Variants in HUWE1 observed in about 807,000 individuals in gnomAD.
The protein encoded by HUWE1 is E3 ubiquitin-protein ligase HUWE1.
Under a neutral mutation model 299.4 loss-of-function variants are expected in HUWE1, and 18 were observed. That is an observed-to-expected ratio of 0.06 (90% CI 0.04 to 0.09). The LOEUF (loss-of-function observed/expected upper bound fraction) is 0.09, where lower values mean the gene tolerates loss of function less well. Ranked by LOEUF, HUWE1 falls within the 10% of genes least tolerant of loss-of-function variation. The pLI is 1.00. For missense variants in HUWE1, 1,832 were observed against 3,462.3 expected (o/e 0.53, Z 11.82); for synonymous variants, 1,317 against 1,286.1 (o/e 1.02, Z -0.51).
At position 53,585,000 on chromosome X, in the gene HUWE1, G is replaced by C. The variant is rs2063793216; in HGVS notation, c.5001+12C>G. 4.1e-6 allele frequency: 5 copies of C among 1,211,326 alleles called. No homozygotes were observed. The highest frequency in any genetic ancestry group is 2.4e-4 in the Middle Eastern group (1 of 4,153). The stretch of plus-strand genomic sequence containing the variant: ...TCCACGGGTTAGACAAGCTTGGTGA[G>C]TGAGCATGTACCTGCACCATTGTAG... On this transcript the variant is annotated intron_variant, in intron 40 of 83. Transcript: ENST00000262854.
chrX:53,645,869 T>G (rs1227965445), intron 6 of HUWE1, among the ~76,000 whole-genome samples: 1 of 103,306 alleles, frequency 9.7e-6, no homozygotes, highest in African/African-American at 3.6e-5. Flanking sequence ...AAAACGTAAA[T>G]AGTGGTTCAA....
Position 53,542,557 on chromosome X carries a change from A to G in HUWE1, c.11380-18T>C. On this transcript the variant is annotated intron_variant, in intron 73 of 83. Coordinates refer to ENST00000262854, the MANE Select transcript of HUWE1 (RefSeq NM_031407.7). ...GACTCCGACTGGATAAAAGGGAGAC[A>G]AAAATCACATAAGGGTGCAACTCTG... 1.9e-6 allele frequency: 2 copies of G among 1,066,116 alleles called. No individual in the cohort carries two copies. Among genetic ancestry groups the G allele is most frequent in the Non-Finnish European group, 2.6e-6 (2 of 762,437 alleles). The allele number at this position is 1,066,116 out of a possible 1,213,427, so 87.9% of individuals were successfully genotyped here.
At chrX:53,682,668 TAGAA>T (rs2070230868) in intron 2 of HUWE1, among the ~76,000 whole-genome samples, 1 of 110,036 alleles carries the variant, frequency 9.1e-6, no homozygotes, top group African/African-American at 3.3e-5. Context: ...GAGTGGGGGA[TAGAA>T]AGATTAAGAA....
chrX:53,556,619 T>C (rs905306849), intron 60 of HUWE1, among the ~76,000 whole-genome samples: 1 of 111,277 alleles, frequency 9.0e-6, no homozygotes. Flanking sequence ...GTTAAGAAGA[T>C]CAGAGGGAAT....
chrX:53,578,690 C>A (rs1602794033), intron 43 of HUWE1, among the ~76,000 whole-genome samples: 1 of 83,217 alleles, frequency 1.2e-5, no homozygotes, highest in African/African-American at 4.6e-5. Context: ...GGGGATCAGC[C>A]CCCCGCCTGG....
In HUWE1 at chrX:53,557,443, A is replaced by G. The variant is rs2062072812; in HGVS notation, c.8161-16T>C. 1.7e-6 allele frequency: 2 copies of G among 1,195,244 alleles called. No individual in the cohort carries two copies. Among genetic ancestry groups the G allele is most frequent in the Non-Finnish European group, 2.3e-6 (2 of 880,554 alleles). On this transcript the variant is annotated splice_polypyrimidine_tract_variant and intron_variant, in intron 59 of 83. Transcript: ENST00000262854. Reference sequence around the variant, plus strand: ...ATGCAGTACACTGCAAAAAGAAGGGATAGACCAATGTGGGACTTTGCAAGC... The same window carrying G: ...ATGCAGTACACTGCAAAAAGAAGGGGTAGACCAATGTGGGACTTTGCAAGC...
chrX:53,639,002 C>T (rs1392728672), intron 7 of HUWE1, among the ~76,000 whole-genome samples: 2 of 112,172 alleles, frequency 1.8e-5, no homozygotes, highest in Admixed American at 9.4e-5. Flanking sequence ...GACCAAAACA[C>T]GATATTCAAT....
Position 53,648,323 on chromosome X carries a change from A to T in HUWE1, c.46-13T>A. On this transcript the variant is annotated splice_polypyrimidine_tract_variant and intron_variant, in intron 4 of 83. Coordinates refer to ENST00000262854, the MANE Select transcript of HUWE1 (RefSeq NM_031407.7). ...TGCAGTCTGCAGGCTGAGAAAAGAAAAGTATTCACAAAAGATGTTTTGGAA... is the reference window on the plus strand; with the variant it reads ...TGCAGTCTGCAGGCTGAGAAAAGAATAGTATTCACAAAAGATGTTTTGGAA... The T allele has an allele frequency of 9.4e-7, 1 of 1,060,441 alleles. No individual in the cohort carries two copies. The highest frequency in any genetic ancestry group is 2.5e-4 in the Middle Eastern group (1 of 4,012). The allele number at this position is 1,060,441 out of a possible 1,213,427, so 87.4% of individuals were successfully genotyped here.
intron 3 of HUWE1, among the ~76,000 whole-genome samples, chrX:53,678,777 A>G (rs1238105168): frequency 4.5e-5 from 5 of 111,973 alleles, no homozygotes; most frequent in Non-Finnish European, 3.8e-5. Context: ...AAGTAGTATA[A>G]AAATAACTAA....
At chrX:53,683,143 G>A (rs1212773778) in intron 2 of HUWE1, among the ~76,000 whole-genome samples, 5 of 111,257 alleles carry the variant, frequency 4.5e-5, no homozygotes, top group South Asian at 3.8e-4. Context: ...CGGGCTAGAG[G>A]ACTTAGGCTA....
chrX:53,592,957 C>A, intron 32 of HUWE1, among the ~76,000 whole-genome samples: 1 of 111,961 alleles, frequency 8.9e-6, no homozygotes. Flanking sequence ...CCTCCACCTC[C>A]TGGCTCCTGC....
intron 3 of HUWE1, among the ~76,000 whole-genome samples, chrX:53,655,399 T>C (rs2068699642): frequency 8.9e-6 from 1 of 111,925 alleles, no homozygotes; most frequent in Non-Finnish European, 1.9e-5. Context: ...AAGGAAGAGT[T>C]TGTGAAAAAT....
intron 4 of HUWE1, among the ~76,000 whole-genome samples, chrX:53,648,652 T>TAA (rs200874374): frequency 0.028 from 2,437 of 87,950 alleles, 97 homozygotes; most frequent in African/African-American, 0.085. Context: ...GTTAAACATC[T>TAA]AAAAAAAAAA....
chrX:53,581,156 C>T, intron 42 of HUWE1, 130 bp from the exon 43 acceptor site: 6 of 546,622 alleles, frequency 1.1e-5, no homozygotes, highest in Non-Finnish European at 1.7e-5. Flanking sequence ...AGTCCCGTCC[C>T]ATCCCTTCTT....
At chrX:53,586,727 G>C in intron 38 of HUWE1, 55 bp downstream of exon 38, 1 of 1,201,073 alleles carries the variant, frequency 8.3e-7, no homozygotes, top group Non-Finnish European at 1.1e-6. Flanking sequence ...GCCTGATTCA[G>C]GCCCATGTCC....
intron 40 of HUWE1, among the ~76,000 whole-genome samples, chrX:53,584,763 C>A (rs1393294873): frequency 8.9e-6 from 1 of 111,884 alleles, no homozygotes; most frequent in African/African-American, 3.3e-5. Context: ...AAGAAGAAAA[C>A]CAAAACACAT....
At chrX:53,587,741 T>C (rs2063933018) in intron 37 of HUWE1, among the ~76,000 whole-genome samples, 1 of 111,670 alleles carries the variant, frequency 9.0e-6, no homozygotes, top group Non-Finnish European at 1.9e-5. Context: ...ATTTATCCCC[T>C]GAGTTTGCTG....
rs2061735598 is a variant in HUWE1, at chrX:53,550,761, G to A, written c.9393C>T (p.Thr3131=). The part of the protein sequence containing the change: ...LSAILRSPAF[T]SRLSGNRGVQ... ...CCCCACGGTTGCCACTTAAGCGACT[G>A]GTGAAAGCTGGAAGGAAAGAAAAAG... The change falls in exon 66 of 84, where the codon ACC becomes ACT. Residue 3131 remains threonine, a synonymous_variant. Transcript: ENST00000262854. 8.3e-7 allele frequency: 1 copy of A among 1,209,237 alleles called. No homozygotes were observed. The highest frequency in any genetic ancestry group is 2.2e-5 in the Admixed American group (1 of 45,785).
chrX:53,614,883 C>T (rs782306534), intron 22 of HUWE1, 138 bp from the exon 23 acceptor site: 56 of 487,645 alleles, frequency 1.1e-4, no homozygotes, highest in Non-Finnish European at 2.0e-4. Flanking sequence ...ACATAATTCC[C>T]AGAATATGGT....
Sources: allele counts gnomAD v4.1 joint callset (sites outside exome capture counted in the v4.1 genomes callset), GRCh38; gene constraint gnomAD v4.1.1; transcripts MANE v1.5; gene names NCBI Gene and HGNC (gene_info 2026-07-23, HGNC 2026-07-21).